Variants in RAB33B observed in about 807,000 individuals in gnomAD.
The protein encoded by RAB33B is ras-related protein Rab-33B.
Under a neutral mutation model 15.0 loss-of-function variants are expected in RAB33B, and 6 were observed. The observed-to-expected ratio is 0.40, with a 90% confidence interval of 0.22 to 0.79. The LOEUF is 0.79. Ranked by LOEUF, RAB33B falls within the 30% of genes least tolerant of loss-of-function variation. The pLI, the probability that RAB33B is intolerant of heterozygous loss-of-function variation, is 0.37. For missense variants in RAB33B, 257 were observed against 296.4 expected, an observed-to-expected ratio of 0.87 and a Z score of 0.98; for synonymous variants, 117 against 108.3, an observed-to-expected ratio of 1.08 and a Z score of -0.50.
At chr4:139,464,395 T>TTTG (rs1750237721) in intron 1 of RAB33B, among the ~76,000 whole-genome samples, 6 of 145,872 alleles carry the variant, frequency 4.1e-5, no homozygotes, top group Admixed American at 2.9e-4. Context: ...TGTTTTTTTT[T>TTTG]TTTTTTTTTT....
chr4:139,465,802 TCA>T (rs1005200168), intron 1 of RAB33B, among the ~76,000 whole-genome samples: 1 of 151,162 alleles, frequency 6.6e-6, no homozygotes, highest in African/African-American at 2.4e-5. Flanking sequence ...CGATTATGGC[TCA>T]CTGCAGCCTT....
chr4:139,471,027 A>G (rs1315103619), intron 1 of RAB33B, among the ~76,000 whole-genome samples: 1 of 152,020 alleles, frequency 6.6e-6, no homozygotes, highest in Admixed American at 6.6e-5. Context: ...GGGTGATGGC[A>G]GCACTCCCTT....
chr4:139,447,947 G>A, the RAB33B span, among the ~76,000 whole-genome samples: 5 of 151,464 alleles, frequency 3.3e-5, no homozygotes, highest in Admixed American at 6.6e-5. Flanking sequence ...GATTACAGGT[G>A]TGAGCCACCG....
At position 139,456,717 on chromosome 4, in the gene RAB33B, TGA is replaced by T. The variant is rs918008727; in HGVS notation, c.249+2280_249+2281del. ...GATTTGTGCCACCAATGGTGAGACT[TGA>T]GAGAGATTTTTATTGTGGTTGAAAT... On this transcript the variant is annotated intron_variant, in intron 1 of 1. Transcript: ENST00000305626. Among the ~76,000 whole-genome samples the T allele has an allele frequency of 1.9e-4, 29 of 152,246 alleles. 1 individual carries two copies. Among genetic ancestry groups the T allele is most frequent in the African/African-American group, 6.0e-4 (25 of 41,466 alleles).
chr4:139,454,048 C>A, upstream of RAB33B: 1 of 942,304 alleles, frequency 1.1e-6, no homozygotes, highest in Non-Finnish European at 1.5e-6. Flanking sequence ...CGGGAAGGTG[C>A]GCAGGCGCGC....
intron 1 of RAB33B, among the ~76,000 whole-genome samples, chr4:139,463,672 G>A (rs990905773): frequency 2.6e-5 from 4 of 152,148 alleles, no homozygotes; most frequent in Non-Finnish European, 5.9e-5. Context: ...AGCCTCAAGA[G>A]TTTTCTAGGC....
chr4:139,443,352 C>A, the RAB33B span, among the ~76,000 whole-genome samples: 1 of 152,194 alleles, frequency 6.6e-6, no homozygotes. Flanking sequence ...TGATTCACCA[C>A]TTGTGAGAGG....
At chr4:139,445,156 C>T in the RAB33B span, among the ~76,000 whole-genome samples, 8 of 152,238 alleles carry the variant, frequency 5.3e-5, no homozygotes, top group Admixed American at 3.3e-4. Flanking sequence ...TCTCCTGGTA[C>T]GTGGTATGTA....
the RAB33B span, among the ~76,000 whole-genome samples, chr4:139,446,899 G>A: frequency 6.6e-6 from 1 of 152,190 alleles, no homozygotes; most frequent in Non-Finnish European, 1.5e-5. Context: ...ATTCCTTGGG[G>A]TAACCAGCCA....
At chr4:139,459,631 C>CTTTTTTTTTTTTTTTTTTT (rs377126007) in intron 1 of RAB33B, among the ~76,000 whole-genome samples, 1 of 142,660 alleles carries the variant, frequency 7.0e-6, no homozygotes. Context: ...TAGTTCAGTT[C>CTTTTTTTTTTTTTTTTTTT]TTTTTTTTTT....
the RAB33B span, among the ~76,000 whole-genome samples, chr4:139,440,349 C>T: frequency 6.0e-4 from 92 of 152,224 alleles, no homozygotes; most frequent in Admixed American, 2.4e-3. Flanking sequence ...TTTAATTCTC[C>T]TGGAAGTCAC....
chr4:139,462,076 C>T (rs1331902614), intron 1 of RAB33B, among the ~76,000 whole-genome samples: 93 of 121,430 alleles, frequency 7.7e-4, no homozygotes, highest in Non-Finnish European at 1.1e-3. Context: ...TTTTTTTTGA[C>T]GGAGTCTCGC....
the RAB33B span, among the ~76,000 whole-genome samples, chr4:139,440,206 C>T: frequency 6.6e-6 from 1 of 152,190 alleles, no homozygotes; most frequent in Non-Finnish European, 1.5e-5. Context: ...GAGGTCTTTT[C>T]TGAGCCTGCA....
chr4:139,454,041 G>A, upstream of RAB33B: 1 of 861,780 alleles, frequency 1.2e-6, no homozygotes, highest in South Asian at 1.9e-5. Flanking sequence ...GGCGGGGCGG[G>A]AAGGTGCGCA....
At chr4:139,443,284 G>A in the RAB33B span, among the ~76,000 whole-genome samples, 4 of 152,110 alleles carry the variant, frequency 2.6e-5, no homozygotes, top group South Asian at 6.2e-4. Flanking sequence ...GAGCCACCGC[G>A]CCCGGCCTGG....
At chr4:139,454,555 C>T (rs1384694127) in intron 1 of RAB33B, 111 bp downstream of exon 1, 41 of 1,239,436 alleles carry the variant, frequency 3.3e-5, no homozygotes, top group Non-Finnish European at 4.4e-5. Context: ...TTTTTTCTCA[C>T]GCTGATGAGA....
At position 139,474,778 on chromosome 4, in the gene RAB33B, G is replaced by C. The variant is rs926422735; in HGVS notation, c.*1652G>C. On this transcript the variant is annotated 3_prime_UTR_variant, in exon 2 of 2. Coordinates refer to ENST00000305626, the MANE Select transcript of RAB33B (RefSeq NM_031296.3). The stretch of plus-strand genomic sequence containing the variant: ...CAAGCTTACATATTAAACTATTTAC[G>C]TAAATGGAATGTAAGCCATGACTTT... 1 of 152,464 alleles carries C rather than the reference G, an allele frequency of 6.6e-6. No individual in the cohort carries two copies. Among genetic ancestry groups the C allele is most frequent in the African/African-American group, 2.4e-5 (1 of 41,398 alleles). The allele number at this position is 152,464 out of a possible 1,614,324, so 9.4% of individuals were successfully genotyped here. A position where few individuals can be genotyped will look rare whatever the true frequency, so the allele number is the denominator to read the frequency against.
rs35504904 is a variant in RAB33B at position 139,466,961 on chromosome 4, C to CTTTTTTT, written c.250-5706_250-5700dup. ...TTGATAGTGTCCTTAGAAGCACAAACTTTTTTTTTTTTTTTTTTTTTTTTT... is the reference window on the plus strand; with the variant it reads ...TTGATAGTGTCCTTAGAAGCACAAACTTTTTTTTTTTTTTTTTTTTTTTTTTTTTTTT... On this transcript the variant is annotated intron_variant, in intron 1 of 1. Transcript: ENST00000305626. Among the ~76,000 whole-genome samples, 26 of 68,482 alleles carry CTTTTTTT rather than the reference C, an allele frequency of 3.8e-4. 1 individual carries two copies. Among genetic ancestry groups the CTTTTTTT allele is most frequent in the East Asian group, 5.5e-4 (1 of 1,828 alleles). 44.9% of individuals were successfully genotyped at this position (68,482 alleles called of 152,430 possible).
intron 1 of RAB33B, among the ~76,000 whole-genome samples, chr4:139,467,308 C>CGGTTT (rs1750307627): frequency 5.7e-5 from 1 of 17,618 alleles, no homozygotes; most frequent in Non-Finnish European, 1.5e-4. Flanking sequence ...CCCCCCGCCG[C>CGGTTT]TTTTTTTTTT....
Sources: allele counts gnomAD v4.1 joint callset (sites outside exome capture counted in the v4.1 genomes callset), GRCh38; gene constraint gnomAD v4.1.1; transcripts MANE v1.5; gene names NCBI Gene and HGNC (gene_info 2026-07-23, HGNC 2026-07-21).